PDLIM1: variants seen among roughly 807,000 people sequenced by gnomAD.
PDLIM1 encodes the protein PDZ and LIM domain 1.
A neutral mutation model predicts 35.2 loss-of-function variants in PDLIM1; 25 were observed. The observed-to-expected ratio is 0.71, with a 90% CI of 0.52 to 0.99. PDLIM1 has a LOEUF of 0.99. PDLIM1 is among the 50% of genes least tolerant of loss of function. The probability of loss-of-function intolerance (pLI) is 0.00; values close to 1 mark genes in which losing one functional copy is unlikely to be tolerated. For synonymous variants in PDLIM1, 152 were observed against 154.0 expected, an observed-to-expected ratio of 0.99 and a Z score of 0.10; for missense variants, 363 against 415.3, an observed-to-expected ratio of 0.87 and a Z score of 1.09.
chr10:95,268,872 A>G lies in PDLIM1; in HGVS notation c.249-10T>C, dbSNP rs781271406. 6.3e-6 allele frequency: 10 copies of G among 1,575,284 alleles called. No homozygotes were observed. The South Asian group carries it at 1.0e-4, about 16-fold the overall frequency. ...GACTTTATGTTCAGATCTGCAACAG[A>G]TTAACAAAGCTGCTGTTTCACTCAT... On this transcript the variant is annotated splice_polypyrimidine_tract_variant and intron_variant, in intron 2 of 6. Coordinates refer to ENST00000329399, the MANE Select transcript of PDLIM1 (RefSeq NM_020992.4).
intron 4 of PDLIM1, among the ~76,000 whole-genome samples, chr10:95,261,675 A>T (rs891953830): frequency 2.6e-5 from 4 of 152,164 alleles, no homozygotes; most frequent in African/African-American, 9.7e-5. Context: ...GTCACACAGA[A>T]AAAAGTCTGC....
intron 4 of PDLIM1, among the ~76,000 whole-genome samples, chr10:95,256,986 A>AAAAAAGAAAG (rs1554832103): frequency 3.2e-5 from 2 of 61,658 alleles, no homozygotes; most frequent in Non-Finnish European, 3.2e-5. Context: ...AAAAAAAAAA[A>AAAAAAGAAAG]AAAGAAAGAA....
At chr10:95,242,028 C>G (rs374291403) in intron 5 of PDLIM1, among the ~76,000 whole-genome samples, 6 of 152,322 alleles carry the variant, frequency 3.9e-5, no homozygotes, top group South Asian at 4.1e-4. Context: ...TAGGCTTCCC[C>G]CCTCAGAGCT....
rs575412289 is a variant in PDLIM1, at chr10:95,243,267, T to C, written c.685+3948A>G. ...TCACATATCCAGCCAACACTGCGAA[T>C]CCAGAGAAATCTCTCTTCCTTTCTT... On this transcript the variant is annotated intron_variant, in intron 5 of 6. Transcript: ENST00000329399. Among the ~76,000 whole-genome samples the C allele has an allele frequency of 2.0e-5, 3 of 152,312 alleles. No homozygotes were observed. In the South Asian group the frequency reaches 6.2e-4, roughly 32 times the overall value.
chr10:95,248,037 C>A (rs977965941), intron 4 of PDLIM1, among the ~76,000 whole-genome samples: 2 of 152,178 alleles, frequency 1.3e-5, no homozygotes, highest in Non-Finnish European at 2.9e-5. Context: ...GCTGGGTGAC[C>A]CAGAACAAGA....
intron 4 of PDLIM1, among the ~76,000 whole-genome samples, chr10:95,253,720 T>C (rs78843319): frequency 0.027 from 4,032 of 150,272 alleles, 155 homozygotes; most frequent in African/African-American, 0.09. Flanking sequence ...TAAGCAAAAA[T>C]ATGGGTTTAA....
At chr10:95,281,467 A>G (rs2035560639) in intron 1 of PDLIM1, among the ~76,000 whole-genome samples, 1 of 152,146 alleles carries the variant, frequency 6.6e-6, no homozygotes, top group South Asian at 2.1e-4. Flanking sequence ...AAGGAGACTG[A>G]GGTGGAAGGA....
chr10:95,239,022 C>T (rs2035151962), intron 5 of PDLIM1, among the ~76,000 whole-genome samples: 1 of 82,854 alleles, frequency 1.2e-5, no homozygotes, highest in Non-Finnish European at 3.1e-5. Flanking sequence ...GAACAGAGAA[C>T]AGAGAACCCA....
At chr10:95,284,479 G>A (rs938916215) in intron 1 of PDLIM1, among the ~76,000 whole-genome samples, 2 of 151,826 alleles carry the variant, frequency 1.3e-5, no homozygotes, top group African/African-American at 4.8e-5. Flanking sequence ...TCAGCCTCTT[G>A]AGTAGCTGGA....
At chr10:95,268,985 C>A in intron 2 of PDLIM1, 123 bp from the exon 3 acceptor site, 1 of 671,466 alleles carries the variant, frequency 1.5e-6, no homozygotes, top group South Asian at 1.7e-5. Context: ...CTCCCATCAG[C>A]TCTACCTTCC....
chr10:95,247,284 A>G lies in PDLIM1; in HGVS notation c.616T>C (p.Leu206=). The G allele has an allele frequency of 6.2e-7, 1 of 1,613,890 alleles. No individual in the cohort carries two copies. The highest frequency in any genetic ancestry group is 8.5e-7 in the Non-Finnish European group (1 of 1,179,912). ...GTGGACTGTTTCGGGGGCTCATTCA[A>G]CTCCTGTTTCTCCTGAAGCATCTTG... ...VYKMLQEKQE[L]NEPPKQSTSF... The change falls in exon 5 of 7, where the codon TTG becomes CTG. Residue 206 remains leucine, a synonymous_variant. Coordinates refer to ENST00000329399, the MANE Select transcript of PDLIM1 (RefSeq NM_020992.4).
In PDLIM1 at chr10:95,290,763, C is replaced by G; in HGVS notation, c.96+57G>C. The G allele has an allele frequency of 7.9e-7, 1 of 1,273,382 alleles. No homozygotes were observed. The highest frequency in any genetic ancestry group is 3.0e-5 in the East Asian group (1 of 33,334). 78.9% of individuals were successfully genotyped at this position (1,273,382 alleles called of 1,614,324 possible). On this transcript the variant is annotated intron_variant, in intron 1 of 6. Coordinates refer to ENST00000329399, the MANE Select transcript of PDLIM1 (RefSeq NM_020992.4). This position sits in a 1 kb window ranked among gnomAD's most constrained non-coding sequence, Gnocchi z 4.7. ...CCGACCGCGCCCGCGGGGCCCCAGT[C>G]TCCGCATATCACCTCCCATAGCGCC...
chr10:95,248,133 A>G (rs2035238802), intron 4 of PDLIM1, among the ~76,000 whole-genome samples: 1 of 152,164 alleles, frequency 6.6e-6, no homozygotes, highest in Admixed American at 6.5e-5. Flanking sequence ...CTCATCAGCT[A>G]TACCTGTAAA....
At chr10:95,250,752 A>G (rs17453533) in intron 4 of PDLIM1, among the ~76,000 whole-genome samples, 12,599 of 152,346 alleles carry the variant, frequency 0.083, 677 homozygotes, top group Middle Eastern at 0.16. Context: ...TACAGTTTTA[A>G]TAACGAGTTT....
intron 1 of PDLIM1, among the ~76,000 whole-genome samples, chr10:95,287,866 AG>A (rs1305867560): frequency 3.3e-5 from 5 of 151,692 alleles, no homozygotes; most frequent in African/African-American, 1.2e-4. Flanking sequence ...TGAAATTTTA[AG>A]TTGATAACGA....
At chr10:95,241,964 T>C (rs529525791) in intron 5 of PDLIM1, among the ~76,000 whole-genome samples, 43 of 152,326 alleles carry the variant, frequency 2.8e-4, no homozygotes, top group African/African-American at 1.0e-3. Context: ...AGAGGGTATA[T>C]GTGAATGCAG....
chr10:95,260,328 A>G (rs1444455934), intron 4 of PDLIM1, among the ~76,000 whole-genome samples: 1 of 152,264 alleles, frequency 6.6e-6, no homozygotes, highest in African/African-American at 2.4e-5. Context: ...TTTAGGAAGT[A>G]TCAGGCAGTA....
Position 95,237,657 on chromosome 10 carries a change from A to C in PDLIM1, c.*268T>G. Reference sequence around the variant, plus strand: ...TTGGGTTCAAATTTGGCTGATGTCCAAATGCAGCAGAGAAGAACGGTGGGG... The same window carrying C: ...TTGGGTTCAAATTTGGCTGATGTCCCAATGCAGCAGAGAAGAACGGTGGGG... On this transcript the variant is annotated 3_prime_UTR_variant, in exon 7 of 7. Transcript: ENST00000329399. 1 of 445,374 alleles carries C rather than the reference A, an allele frequency of 2.2e-6. No individual in the cohort carries two copies. The highest frequency in any genetic ancestry group is 4.0e-6 in the Non-Finnish European group (1 of 246,932). The allele number at this position is 445,374 out of a possible 1,614,324, so 27.6% of individuals were successfully genotyped here.
At chr10:95,272,857 G>T (rs943974982) in intron 1 of PDLIM1, among the ~76,000 whole-genome samples, 1 of 152,050 alleles carries the variant, frequency 6.6e-6, no homozygotes, top group Non-Finnish European at 1.5e-5. Flanking sequence ...ACAGATCATT[G>T]ATGCTTGGGG....
Sources: allele counts gnomAD v4.1 joint callset (sites outside exome capture counted in the v4.1 genomes callset), GRCh38; gene constraint gnomAD v4.1.1; non-coding constraint Gnocchi (gnomAD v3.1); transcripts MANE v1.5; gene names NCBI Gene and HGNC (gene_info 2026-07-23, HGNC 2026-07-21).